The following PDE9A variants were observed in gnomAD, a reference collection of about 807,000 sequenced individuals.
The protein encoded by PDE9A is phosphodiesterase 9A.
A neutral mutation model predicts 87.4 loss-of-function variants in PDE9A; 60 were observed. That is an observed-to-expected ratio of 0.69 (90% CI 0.56 to 0.85). The LOEUF is 0.85. PDE9A is among the 40% of genes least tolerant of loss of function. The pLI is 0.00. For synonymous variants in PDE9A, 272 were observed against 279.4 expected (o/e 0.97, Z 0.27); for missense variants, 665 against 779.0 (o/e 0.85, Z 1.74).
At chr21:42,654,720 A>G (rs1338732493) in intron 1 of PDE9A, among the ~76,000 whole-genome samples, 1 of 152,218 alleles carries the variant, frequency 6.6e-6, no homozygotes, top group Non-Finnish European at 1.5e-5. Flanking sequence ...GGCACAGAGC[A>G]GGTGCCGGCC....
At chr21:42,711,720 T>C (rs1361835075) in intron 4 of PDE9A, among the ~76,000 whole-genome samples, 14 of 152,244 alleles carry the variant, frequency 9.2e-5, no homozygotes, top group Admixed American at 9.2e-4. Context: ...CTGTCATTCA[T>C]TTCAAGTTAA....
chr21:42,715,754 TATG>T (rs1278436457), intron 4 of PDE9A, among the ~76,000 whole-genome samples: 7 of 151,788 alleles, frequency 4.6e-5, no homozygotes, highest in East Asian at 1.9e-4. Context: ...TGGACAAATA[TATG>T]ATGACCTGTG....
At chr21:42,664,700 G>T (rs189850166) in intron 1 of PDE9A, among the ~76,000 whole-genome samples, 19 of 152,228 alleles carry the variant, frequency 1.2e-4, no homozygotes, top group Non-Finnish European at 2.6e-4. Context: ...ATTCCCATCC[G>T]AATGGAAGCC....
intron 7 of PDE9A, among the ~76,000 whole-genome samples, chr21:42,736,208 G>A (rs1002866641): frequency 1.3e-5 from 2 of 152,304 alleles, no homozygotes; most frequent in African/African-American, 2.4e-5. Context: ...AAGAGGCCAT[G>A]TCGTAACTCT....
chr21:42,741,918 G>A (rs917796430), intron 7 of PDE9A, among the ~76,000 whole-genome samples: 3 of 152,172 alleles, frequency 2.0e-5, no homozygotes, highest in African/African-American at 7.2e-5. Context: ...AAGGGGAATA[G>A]AGTGGTATCG....
rs542923066 is a variant in PDE9A, at chr21:42,670,665, A to G, written c.70-15527A>G. On this transcript the variant is annotated intron_variant, in intron 1 of 19. Transcript: ENST00000291539. Reference sequence around the variant, plus strand: ...CAAACTATCATTCACACACATACACACATACACATGCATTCACACACATGC... The same window carrying G: ...CAAACTATCATTCACACACATACACGCATACACATGCATTCACACACATGC... 1.8e-3 allele frequency among the ~76,000 whole-genome samples: 268 copies of G among 147,150 alleles called. 2 individuals are homozygous for G. Among genetic ancestry groups the G allele is most frequent in the African/African-American group, 6.9e-3 (253 of 36,928 alleles).
chr21:42,670,345 T>TAC (rs2058411857), intron 1 of PDE9A, among the ~76,000 whole-genome samples: 5 of 100,542 alleles, frequency 5.0e-5, no homozygotes, highest in African/African-American at 2.0e-4. Flanking sequence ...TTCACATACA[T>TAC]TTACACACAC....
At chr21:42,670,195 T>TCACACATTCA (rs2058345743) in intron 1 of PDE9A, among the ~76,000 whole-genome samples, 1 of 144,318 alleles carries the variant, frequency 6.9e-6, no homozygotes, top group African/African-American at 2.7e-5. Flanking sequence ...TTACACACAT[T>TCACACATTCA]CACACACATA....
At chr21:42,731,630 C>A in intron 4 of PDE9A, 140 bp from the exon 5 acceptor site, 3 of 867,928 alleles carry the variant, frequency 3.5e-6, no homozygotes, top group African/African-American at 1.7e-5. Flanking sequence ...CCCGTGCAGA[C>A]CCGCCGTGAG....
In PDE9A at chr21:42,690,711, G is replaced by A. The variant is rs913217408; in HGVS notation, c.218+2717G>A. 9.9e-5 allele frequency among the ~76,000 whole-genome samples: 15 copies of A among 152,132 alleles called. 1 individual carries two copies. Among genetic ancestry groups the A allele is most frequent in the African/African-American group, 4.8e-5 (2 of 41,476 alleles). The stretch of plus-strand genomic sequence containing the variant: ...TCCAGCCTGCCTCTCCCACACGGCT[G>A]CCAGGTTCAACCTGGTAAGACACCT... On this transcript the variant is annotated intron_variant, in intron 3 of 19. Coordinates refer to ENST00000291539, the MANE Select transcript of PDE9A (RefSeq NM_002606.3).
At chr21:42,720,115 G>A (rs1177623794) in intron 4 of PDE9A, among the ~76,000 whole-genome samples, 1 of 152,216 alleles carries the variant, frequency 6.6e-6, no homozygotes, top group Admixed American at 6.5e-5. Flanking sequence ...AGTCCCAGCA[G>A]CGTGTACAAC....
At chr21:42,673,699 C>A (rs994857596) in intron 1 of PDE9A, among the ~76,000 whole-genome samples, 5 of 152,168 alleles carry the variant, frequency 3.3e-5, no homozygotes, top group African/African-American at 4.8e-5. Context: ...GCTATAGGCT[C>A]ACATTAGTGT....
chr21:42,671,534 CAA>C lies in PDE9A; in HGVS notation c.70-14657_70-14656del, dbSNP rs138018499. ...ACTTTACTGTTAAGTATTCTAAAAA[CAA>C]GAGACCAAACAAAATGAACAATATG... On this transcript the variant is annotated intron_variant, in intron 1 of 19. Coordinates refer to ENST00000291539, the MANE Select transcript of PDE9A (RefSeq NM_002606.3). Among the ~76,000 whole-genome samples, 324 of 152,222 alleles carry C rather than the reference CAA, an allele frequency of 2.1e-3. 5 individuals carry two copies. The highest frequency in any genetic ancestry group is 0.017 in the East Asian group (86 of 5,186).
At chr21:42,687,738 A>C (rs973974614) in intron 2 of PDE9A, among the ~76,000 whole-genome samples, 179 bp from the exon 3 acceptor site, 2 of 152,234 alleles carry the variant, frequency 1.3e-5, no homozygotes, top group African/African-American at 4.8e-5. Context: ...AATTTCATTT[A>C]CAATCGGAGT....
intron 1 of PDE9A, among the ~76,000 whole-genome samples, chr21:42,662,442 GTACATACACACATA>G (rs1446975725): frequency 6.6e-6 from 1 of 151,518 alleles, no homozygotes; most frequent in African/African-American, 2.4e-5. Flanking sequence ...GAGGACTATG[GTACATACACACATA>G]TACACGCACA....
intron 1 of PDE9A, among the ~76,000 whole-genome samples, chr21:42,679,153 A>T (rs1004092231): frequency 6.6e-6 from 1 of 152,142 alleles, no homozygotes. Flanking sequence ...TCCTCCCCAC[A>T]GGCTGTGGGC....
chr21:42,695,103 G>C lies in PDE9A; in HGVS notation c.219-3865G>C, dbSNP rs184576914. Among the ~76,000 whole-genome samples, 245 of 152,330 alleles carry C rather than the reference G, an allele frequency of 1.6e-3. 4 individuals carry two copies. In the South Asian group the frequency reaches 0.02, roughly 12 times the overall value. Reference sequence around the variant, plus strand: ...CTGGAGCACGCTCAAGCCGGCATTTGAAATAACCTGGAACACGTTTACATC... The same window carrying C: ...CTGGAGCACGCTCAAGCCGGCATTTCAAATAACCTGGAACACGTTTACATC... On this transcript the variant is annotated intron_variant, in intron 3 of 19. Coordinates refer to ENST00000291539, the MANE Select transcript of PDE9A (RefSeq NM_002606.3). The surrounding 1 kb of genome is among the most constrained non-coding windows in gnomAD (Gnocchi z 4.3).
intron 4 of PDE9A, among the ~76,000 whole-genome samples, chr21:42,726,617 TATATA>T (rs2051102991): frequency 1.7e-4 from 6 of 36,164 alleles, no homozygotes; most frequent in East Asian, 1.1e-3. Flanking sequence ...TATATATATA[TATATA>T]TATTTTTTTT....
In PDE9A at chr21:42,759,979, G is replaced by C. The variant is rs2055526885; in HGVS notation, c.898-349G>C. Reference sequence around the variant, plus strand: ...AGGTTTCATGGTGACTGGGGACCCAGAGCTCCCTCTTGGAGTCTCCCCTCC... The same window carrying C: ...AGGTTTCATGGTGACTGGGGACCCACAGCTCCCTCTTGGAGTCTCCCCTCC... On this transcript the variant is annotated intron_variant, in intron 11 of 19. Coordinates refer to ENST00000291539, the MANE Select transcript of PDE9A (RefSeq NM_002606.3). This position sits in a 1 kb window ranked among gnomAD's most constrained non-coding sequence, Gnocchi z 7.2. Among the ~76,000 whole-genome samples, 1 of 152,036 alleles carries C rather than the reference G, an allele frequency of 6.6e-6. No individual in the cohort carries two copies. Among genetic ancestry groups the C allele is most frequent in the African/African-American group, 2.4e-5 (1 of 41,360 alleles).
Sources: gnomAD v4.1 joint callset for allele counts (sites outside exome capture counted in the v4.1 genomes callset) on GRCh38, gnomAD v4.1.1 for gene constraint, Gnocchi (gnomAD v3.1) non-coding constraint, MANE v1.5 for transcripts, NCBI Gene and HGNC (gene_info 2026-07-23, HGNC 2026-07-21) for gene names.